Variants in COLEC12 observed in about 807,000 individuals in gnomAD.
COLEC12 encodes the protein collectin subfamily member 12, also known as collectin-12.
A neutral mutation model predicts 71.1 loss-of-function variants in COLEC12; 33 were observed. The ratio of observed to expected loss-of-function variants is 0.46; its 90% confidence interval spans 0.35 to 0.62. COLEC12 has a LOEUF of 0.62. Among genes scored for constraint, COLEC12 ranks in the 20% least tolerant of loss-of-function variants. The probability of loss-of-function intolerance (pLI) is 0.00; values close to 1 mark genes in which losing one functional copy is unlikely to be tolerated. For missense variants in COLEC12, 765 were observed against 916.1 expected (o/e 0.84, Z 2.13); for synonymous variants, 350 against 353.0 (o/e 0.99, Z 0.10).
At chr18:467,661 C>T (rs1199811664) in intron 2 of COLEC12, among the ~76,000 whole-genome samples, 1 of 152,162 alleles carries the variant, frequency 6.6e-6, no homozygotes, top group East Asian at 1.9e-4. Context: ...TAATTAGCTG[C>T]TTTTATGAAG....
chr18:487,747 G>A (rs73358579), intron 1 of COLEC12, among the ~76,000 whole-genome samples: 1 of 152,240 alleles, frequency 6.6e-6, no homozygotes, highest in East Asian at 1.9e-4. Context: ...CTTCTCTGGG[G>A]AATTTGACCA....
At chr18:475,503 G>C (rs773546111) in intron 2 of COLEC12, among the ~76,000 whole-genome samples, 78 of 152,180 alleles carry the variant, frequency 5.1e-4, no homozygotes, top group Non-Finnish European at 9.4e-4. Context: ...AGTCCCAGCA[G>C]AGGGGAGACA....
intron 2 of COLEC12, among the ~76,000 whole-genome samples, chr18:367,055 C>T (rs1347235047): frequency 4.6e-5 from 7 of 152,240 alleles, no homozygotes; most frequent in Non-Finnish European, 1.0e-4. Context: ...CAAGACCCTA[C>T]AGCATTTCTC....
At chr18:357,079 A>C (rs1214443621) in intron 3 of COLEC12, among the ~76,000 whole-genome samples, 1 of 152,098 alleles carries the variant, frequency 6.6e-6, no homozygotes, top group African/African-American at 2.4e-5. Context: ...AGCCTCCAAG[A>C]GATAGGACGA....
chr18:417,613 G>T (rs1349038025), intron 2 of COLEC12, among the ~76,000 whole-genome samples: 2 of 152,306 alleles, frequency 1.3e-5, no homozygotes, highest in East Asian at 3.9e-4. Context: ...GCAGGAAGGG[G>T]CAGGAAGAGA....
intron 2 of COLEC12, among the ~76,000 whole-genome samples, chr18:414,629 A>G (rs1269060404): frequency 6.6e-6 from 1 of 152,040 alleles, no homozygotes; most frequent in Non-Finnish European, 1.5e-5. Flanking sequence ...AAAAACAAAA[A>G]ACAAAACCGA....
At chr18:350,052 G>C (rs1265247204) in intron 3 of COLEC12, among the ~76,000 whole-genome samples, 1 of 152,162 alleles carries the variant, frequency 6.6e-6, no homozygotes, top group Non-Finnish European at 1.5e-5. Context: ...GGCATGATTT[G>C]TTTTGAAACG....
chr18:383,448 G>T (rs35380109), intron 2 of COLEC12, among the ~76,000 whole-genome samples: 1 of 151,904 alleles, frequency 6.6e-6, no homozygotes, highest in Non-Finnish European at 1.5e-5. Flanking sequence ...AAGTCCCAGA[G>T]GACAAAATAC....
chr18:392,853 A>G (rs751203117), intron 2 of COLEC12, among the ~76,000 whole-genome samples: 1 of 152,236 alleles, frequency 6.6e-6, no homozygotes, highest in African/African-American at 2.4e-5. Context: ...CTTCTCTTCC[A>G]TGACTAAACA....
Position 320,044 on chromosome 18 carries a change from G to A in COLEC12, c.*1C>T, listed in dbSNP as rs749935302. On this transcript the variant is annotated 3_prime_UTR_variant, in exon 10 of 10. Coordinates refer to ENST00000400256, the MANE Select transcript of COLEC12 (RefSeq NM_130386.3). Reference sequence around the variant, plus strand: ...TGCTCATGTGATCCCATCACAGTCCGTTATAATGCAGATGACAGTACTAAA... The same window carrying A: ...TGCTCATGTGATCCCATCACAGTCCATTATAATGCAGATGACAGTACTAAA... The A allele has an allele frequency of 6.4e-6, 10 of 1,555,460 alleles. No homozygotes were observed. Among genetic ancestry groups the A allele is most frequent in the South Asian group, 2.3e-5 (2 of 85,760 alleles).
intron 5 of COLEC12, among the ~76,000 whole-genome samples, chr18:343,341 C>T (rs1438231853): frequency 1.3e-5 from 2 of 152,092 alleles, no homozygotes; most frequent in Non-Finnish European, 2.9e-5. Context: ...GCCGGGACCT[C>T]CTAAAGCTGG....
intron 1 of COLEC12, among the ~76,000 whole-genome samples, chr18:492,763 G>A (rs565960386): frequency 3.3e-5 from 5 of 151,712 alleles, no homozygotes; most frequent in East Asian, 1.9e-4. Context: ...ATCCATTAAC[G>A]TTGTTTAGAT....
At chr18:451,227 C>G (rs1567911697) in intron 2 of COLEC12, among the ~76,000 whole-genome samples, 1 of 152,252 alleles carries the variant, frequency 6.6e-6, no homozygotes, top group Non-Finnish European at 1.5e-5. Flanking sequence ...TTCACTCTCA[C>G]ATATGTTATG....
At chr18:347,429 T>C in intron 4 of COLEC12, 88 bp from the exon 5 acceptor site, 3 of 1,085,334 alleles carry the variant, frequency 2.8e-6, no homozygotes, top group Admixed American at 2.2e-5. Flanking sequence ...TTAATCGGTA[T>C]GCACTGTATT....
chr18:335,344 T>C (rs1914094929), intron 5 of COLEC12, 114 bp from the exon 6 acceptor site: 1 of 1,137,626 alleles, frequency 8.8e-7, no homozygotes, highest in Admixed American at 2.7e-5. Context: ...ACAAAGTATA[T>C]ACAGCAGGGA....
intron 2 of COLEC12, among the ~76,000 whole-genome samples, chr18:472,036 A>C (rs1203185567): frequency 6.6e-6 from 1 of 152,192 alleles, no homozygotes; most frequent in Non-Finnish European, 1.5e-5. Flanking sequence ...CATTACATCC[A>C]TCTTGTATGG....
intron 2 of COLEC12, among the ~76,000 whole-genome samples, chr18:460,398 C>T (rs1216342843): frequency 2.0e-5 from 3 of 152,088 alleles, no homozygotes; most frequent in South Asian, 4.2e-4. Context: ...GTTTTCTTCC[C>T]CGTGGAGTAG....
chr18:406,699 AC>A (rs1225102454), intron 2 of COLEC12, among the ~76,000 whole-genome samples: 2 of 151,936 alleles, frequency 1.3e-5, no homozygotes, highest in Non-Finnish European at 2.9e-5. Flanking sequence ...CTGGATGGGG[AC>A]CCTTTTCCTG....
At position 327,641 on chromosome 18, in the gene COLEC12, G is replaced by C. The variant is rs11877535; in HGVS notation, c.2063+4027C>G. Among the ~76,000 whole-genome samples, 1,544 of 152,346 alleles carry C rather than the reference G, an allele frequency of 0.01. 27 individuals are homozygous for C. Among genetic ancestry groups the C allele is most frequent in the African/African-American group, 0.034 (1,409 of 41,572 alleles). Reference sequence around the variant, plus strand: ...TCAACCAGGTCTCAGCATGAAAAATGAGGTGAGGCCGAGACGCAGAGGAGA... The same window carrying C: ...TCAACCAGGTCTCAGCATGAAAAATCAGGTGAGGCCGAGACGCAGAGGAGA... On this transcript the variant is annotated intron_variant, in intron 8 of 9. Transcript: ENST00000400256. The surrounding 1 kb of genome is among the most constrained non-coding windows in gnomAD (Gnocchi z 4.0).
Sources: gnomAD v4.1 joint callset for allele counts (sites outside exome capture counted in the v4.1 genomes callset) on GRCh38, gnomAD v4.1.1 for gene constraint, Gnocchi (gnomAD v3.1) non-coding constraint, MANE v1.5 for transcripts, NCBI Gene and HGNC (gene_info 2026-07-23, HGNC 2026-07-21) for gene names.